Variants in SMTN observed in about 807,000 individuals in gnomAD.
SMTN encodes smoothelin.
SMTN carries 58 observed loss-of-function variants against 102.0 expected under a neutral mutation model. That is an observed-to-expected ratio of 0.57 (90% CI 0.46 to 0.71). SMTN has a LOEUF of 0.71. Ranked by LOEUF, SMTN falls within the 30% of genes least tolerant of loss-of-function variation. The pLI, the probability that SMTN is intolerant of heterozygous loss-of-function variation, is 0.00. For missense variants in SMTN, 1,185 were observed against 1,241.7 expected, an observed-to-expected ratio of 0.95 and a Z score of 0.69; for synonymous variants, 478 against 497.9, an observed-to-expected ratio of 0.96 and a Z score of 0.53.
At chr22:31,082,305 G>A (rs2042360248) in intron 1 of SMTN, 1 of 307,194 alleles carries the variant, frequency 3.3e-6, no homozygotes, top group African/African-American at 2.2e-5. Flanking sequence ...GCTGGGCCAG[G>A]ATTTAGGGGT....
At chr22:31,099,288 C>T in intron 18 of SMTN, 109 bp downstream of exon 18, 1 of 713,790 alleles carries the variant, frequency 1.4e-6, no homozygotes, top group Admixed American at 2.7e-5. Context: ...ACTGTGTGGC[C>T]TCACAGGGAA....
At position 31,088,120 on chromosome 22, in the gene SMTN, A is replaced by T; in HGVS notation, c.200+7A>T. The T allele has an allele frequency of 6.3e-7, 1 of 1,589,086 alleles. No homozygotes were observed. ...ACAAGGAGAACTGGCTGCAGTGAGTAGCGGGGGGTGGAACATGCGGGTGAG... is the reference window on the plus strand; with the variant it reads ...ACAAGGAGAACTGGCTGCAGTGAGTTGCGGGGGGTGGAACATGCGGGTGAG... On this transcript the variant is annotated splice_region_variant and intron_variant, in intron 3 of 20. Coordinates refer to ENST00000333137, the MANE Select transcript of SMTN (RefSeq NM_134269.3).
At chr22:31,100,333 T>TATAG (rs2043973051) in intron 19 of SMTN, among the ~76,000 whole-genome samples, 1 of 152,142 alleles carries the variant, frequency 6.6e-6, no homozygotes, top group Non-Finnish European at 1.5e-5. Context: ...CAGAGGCTTA[T>TATAG]ATAGGACCTC....
At chr22:31,099,637 G>A in intron 18 of SMTN, 108 bp from the exon 19 acceptor site, 1 of 1,194,214 alleles carries the variant, frequency 8.4e-7, no homozygotes, top group Non-Finnish European at 1.2e-6. Context: ...CAAGCTACGG[G>A]GCCTCTTTGT....
Position 31,095,330 on chromosome 22 carries a change from G to C in SMTN, c.1660G>C (p.Ala554Pro). The C allele has an allele frequency of 1.2e-6, 2 of 1,614,096 alleles. No individual in the cohort carries two copies. Among genetic ancestry groups the C allele is most frequent in the Non-Finnish European group, 1.7e-6 (2 of 1,180,038 alleles). ...GGAAGCAGAGCCAGCAGAGCCTCTC[G>C]CTGCAGCAGTGGAAGCGGCCAATGG... The part of the protein sequence containing the change: ...KMEAEPAEPL[A>P]AAVEAANGAE... Residue 554 changes from alanine (A) to proline (P), a missense_variant, in exon 12 of 21, where the codon GCT becomes CCT. By Grantham distance (27) the Ala-to-Pro change is conservative. This residue lies in a region of SMTN where 1,096 missense variants were observed against 1,112.7 expected (regional missense o/e 0.98). Coordinates refer to ENST00000333137, the MANE Select transcript of SMTN (RefSeq NM_134269.3). The surrounding 1 kb of genome is among the most constrained non-coding windows in gnomAD (Gnocchi z 4.1).
intron 2 of SMTN, chr22:31,087,075 T>A (rs2042757448): frequency 6.6e-6 from 1 of 152,284 alleles, no homozygotes; most frequent in African/African-American, 2.4e-5. Flanking sequence ...TCTGCCACTA[T>A]CTTCCAGGGG....
rs200098335 is a variant in SMTN at position 31,096,757 on chromosome 22, G to C, written c.1886G>C (p.Arg629Pro). 1.3e-6 allele frequency: 2 copies of C among 1,553,478 alleles called. No homozygotes were observed. Among genetic ancestry groups the C allele is most frequent in the Non-Finnish European group, 1.7e-6 (2 of 1,154,028 alleles). ...KRDQRDKERE[R>P]RLQEARGRPG... ...GACCAGCGGGACAAGGAGCGGGAAC[G>C]GCGGCTGCAGGAGGCACGGGGCCGG... Residue 629 changes from arginine (R) to proline (P), a missense_variant, in exon 14 of 21, where the codon CGG (arginine) becomes CCG (proline). Arg to Pro is a moderately radical substitution (Grantham distance 103, BLOSUM62 -2). Transcript: ENST00000333137.
At chr22:31,104,079 GCT>G in intron 20 of SMTN, 1 of 545,488 alleles carries the variant, frequency 1.8e-6, no homozygotes, top group South Asian at 2.5e-5. Context: ...CTGGGATGGG[GCT>G]CTCTTCTGCC....
At chr22:31,074,517 T>C (rs1348710784) in intron 1 of SMTN, among the ~76,000 whole-genome samples, 1 of 151,946 alleles carries the variant, frequency 6.6e-6, no homozygotes, top group African/African-American at 2.4e-5. Flanking sequence ...GGGCTGGGCA[T>C]GGTGGCTCAC....
intron 11 of SMTN, chr22:31,092,324 G>A (rs2043199091): frequency 2.4e-6 from 1 of 415,842 alleles, no homozygotes; most frequent in Non-Finnish European, 5.1e-6. Flanking sequence ...ATTAGCATCT[G>A]CGTCAACCTC....
chr22:31,070,914 A>G (rs1439768635), intron 1 of SMTN, among the ~76,000 whole-genome samples: 1 of 123,466 alleles, frequency 8.1e-6, no homozygotes, highest in African/African-American at 3.3e-5. Context: ...ACAGAGTGAA[A>G]CTCTGTCTCA....
At chr22:31,100,860 C>CT in intron 19 of SMTN, 25 bp from the exon 20 acceptor site, 3 of 1,374,152 alleles carry the variant, frequency 2.2e-6, no homozygotes, top group Admixed American at 2.0e-5. Context: ...TCCCCCACCC[C>CT]TTCCCGGCCC....
At chr22:31,076,330 A>G (rs1172079014), upstream of SMTN, among the ~76,000 whole-genome samples, 3 of 152,176 alleles carry the variant, frequency 2.0e-5, no homozygotes, top group African/African-American at 7.2e-5. Flanking sequence ...AGAACCGGCA[A>G]AGGAGCCATC....
intron 1 of SMTN, 198 bp from the exon 2 acceptor site, chr22:31,082,981 G>C (rs1281497880): frequency 1.4e-6 from 2 of 1,444,420 alleles, no homozygotes; most frequent in Non-Finnish European, 1.9e-6. Flanking sequence ...GCTGGAACCA[G>C]AGACCCCCTA....
At chr22:31,098,937 C>A in intron 17 of SMTN, 97 bp downstream of exon 17, 1 of 1,547,716 alleles carries the variant, frequency 6.5e-7, no homozygotes, top group Non-Finnish European at 8.8e-7. Flanking sequence ...GGGAAGACCG[C>A]GCGGCTAGAT....
At chr22:31,071,231 C>T (rs2041990760) in intron 1 of SMTN, among the ~76,000 whole-genome samples, 1 of 139,672 alleles carries the variant, frequency 7.2e-6, no homozygotes, top group South Asian at 2.2e-4. Context: ...CAGAGCTACA[C>T]CCTGTCTCAA....
chr22:31,098,753 T>G lies in SMTN; in HGVS notation c.2246T>G (p.Leu749Arg). ...CGGCAGGCCGAGAAGAAGAAAGAGCTGATGAAGGCGCAGAGTCTGCCCAAG... is the reference window on the plus strand; with the variant it reads ...CGGCAGGCCGAGAAGAAGAAAGAGCGGATGAAGGCGCAGAGTCTGCCCAAG... Reference protein sequence around the residue: ...EKRQAEKKKELMKAQSLPKTS... With the variant: ...EKRQAEKKKERMKAQSLPKTS... Residue 749 changes from leucine to arginine, a missense_variant, in exon 17 of 21, where the codon CTG (leucine) becomes CGG (arginine). By Grantham distance (102) the Leu-to-Arg change is moderately radical (BLOSUM62 -2). Coordinates refer to ENST00000333137, the MANE Select transcript of SMTN (RefSeq NM_134269.3). 1.9e-6 allele frequency: 3 copies of G among 1,613,166 alleles called. No individual in the cohort carries two copies. The highest frequency in any genetic ancestry group is 2.5e-6 in the Non-Finnish European group (3 of 1,179,836).
chr22:31,096,048 T>C (rs35685997), intron 13 of SMTN: 88,265 of 255,940 alleles, frequency 0.34, 16,567 homozygotes, highest in Middle Eastern at 0.44. Context: ...CTCCCCCAGA[T>C]AGTTCTTCCC....
intron 1 of SMTN, among the ~76,000 whole-genome samples, chr22:31,071,680 T>TTCTC (rs975801635): frequency 6.9e-6 from 1 of 145,800 alleles, no homozygotes; most frequent in South Asian, 2.2e-4. Context: ...AGCTCTCTCT[T>TTCTC]TCTCTCTCTC....
Sources: allele counts gnomAD v4.1 joint callset (sites outside exome capture counted in the v4.1 genomes callset), GRCh38; gene constraint gnomAD v4.1.1; regional missense constraint gnomAD v4.1.1; non-coding constraint Gnocchi (gnomAD v3.1); transcripts MANE v1.5; gene names NCBI Gene and HGNC (gene_info 2026-07-23, HGNC 2026-07-21).